The following NIT2 variants were observed in gnomAD, a reference collection of about 807,000 sequenced individuals.
NIT2 encodes the protein omega-amidase NIT2.
NIT2 carries 46 observed loss-of-function variants against 42.7 expected under a neutral mutation model. The observed-to-expected ratio is 1.08, with a 90% CI of 0.85 to 1.38. The LOEUF is 1.38. Ranked by LOEUF, NIT2 falls within the 40% of genes most tolerant of loss-of-function variation. The pLI is 0.00. For synonymous variants in NIT2, 123 were observed against 121.9 expected (o/e 1.01, Z -0.06); for missense variants, 309 against 342.5 (o/e 0.90, Z 0.77).
rs1413870208 is a variant in NIT2 at position 100,355,520 on chromosome 3, T to C, written c.*252T>C. On this transcript the variant is annotated 3_prime_UTR_variant, in exon 10 of 10. Transcript: ENST00000394140. ...AAGCTTCTTCCATACTTAAGTTGCC[T>C]CCAAGCAGTTTGTGAAAGTATCAGA... is the stretch of plus-strand genomic sequence containing the variant. The C allele has an allele frequency of 2.6e-6, 1 of 388,890 alleles. No individual in the cohort carries two copies. The highest frequency in any genetic ancestry group is 4.6e-6 in the Non-Finnish European group (1 of 218,854). 24.1% of individuals were successfully genotyped at this position (388,890 alleles called of 1,614,324 possible).
rs557763731 is a variant in NIT2, at chr3:100,339,294, G to C, written c.126+89G>C. The C allele has an allele frequency of 3.6e-6, 3 of 845,052 alleles. No homozygotes were observed. In the East Asian group the frequency reaches 7.3e-5, roughly 21 times the overall value. The allele number at this position is 845,052 out of a possible 1,614,324, so 52.3% of individuals were successfully genotyped here. A position where few individuals can be genotyped will look rare whatever the true frequency, so the allele number is the denominator to read the frequency against. On this transcript the variant is annotated intron_variant, in intron 2 of 9. Coordinates refer to ENST00000394140, the MANE Select transcript of NIT2 (RefSeq NM_020202.5). ...GCTCTGGTTGTCCTCTTGTATCCTGGGGTCCAGCAGTGTCCCTTGGAGCCC... is the reference window on the plus strand; with the variant it reads ...GCTCTGGTTGTCCTCTTGTATCCTGCGGTCCAGCAGTGTCCCTTGGAGCCC...
At chr3:100,335,724 G>GC (rs1244232999) in intron 1 of NIT2, among the ~76,000 whole-genome samples, 1 of 152,228 alleles carries the variant, frequency 6.6e-6, no homozygotes, top group Non-Finnish European at 1.5e-5. Context: ...CACAGACATG[G>GC]CCCGGCACGT....
At chr3:100,350,287 A>G (rs1706260271) in intron 7 of NIT2, among the ~76,000 whole-genome samples, 1 of 152,308 alleles carries the variant, frequency 6.6e-6, no homozygotes, top group South Asian at 2.1e-4. Flanking sequence ...TGGGATACTG[A>G]GATGACCCAG....
chr3:100,346,132 T>C, intron 5 of NIT2, 49 bp from the exon 6 acceptor site: 1 of 1,462,252 alleles, frequency 6.8e-7, no homozygotes, highest in Non-Finnish European at 9.6e-7. Context: ...TGCCACACCA[T>C]GCTGTAGGGA....
Position 100,352,422 on chromosome 3 carries a change from G to A in NIT2, c.603G>A (p.Val201=), listed in dbSNP as rs1452704798. Residue 201 remains valine (V), a synonymous_variant, in exon 8 of 10, where the codon GTG becomes GTA. Coordinates refer to ENST00000394140, the MANE Select transcript of NIT2 (RefSeq NM_020202.5). The stretch of plus-strand genomic sequence containing the variant: ...ACTACAGGGCTGTTGATAATCAGGT[G>A]TATGTGGCCACAGCCTCTCCTGCCC... The part of the protein sequence containing the change: ...LQRSRAVDNQ[V]YVATASPARD... 6.2e-7 allele frequency: 1 copy of A among 1,613,132 alleles called. No homozygotes were observed. The highest frequency in any genetic ancestry group is 1.1e-5 in the South Asian group (1 of 91,068).
chr3:100,354,541 C>G (rs1706305744), intron 8 of NIT2, among the ~76,000 whole-genome samples: 1 of 152,178 alleles, frequency 6.6e-6, no homozygotes, highest in South Asian at 2.1e-4. Flanking sequence ...ATCACTAAGC[C>G]CTCACAGAGC....
rs1706269529 is a variant in NIT2, at chr3:100,351,283, G to A, written c.585-1121G>A. ...CTAAAGTTCATATGGAACCAAAAAAGAGCCCGCATCGCCAAGTCAATCCTA... is the reference window on the plus strand; with the variant it reads ...CTAAAGTTCATATGGAACCAAAAAAAAGCCCGCATCGCCAAGTCAATCCTA... On this transcript the variant is annotated intron_variant, in intron 7 of 9. Coordinates refer to ENST00000394140, the MANE Select transcript of NIT2 (RefSeq NM_020202.5). Among the ~76,000 whole-genome samples, 6 of 152,168 alleles carry A rather than the reference G, an allele frequency of 3.9e-5. No homozygotes were observed. The South Asian group carries it at 1.0e-3, about 26-fold the overall frequency.
At chr3:100,349,954 A>G (rs537572131) in intron 7 of NIT2, 1 of 152,344 alleles carries the variant, frequency 6.6e-6, no homozygotes, top group East Asian at 1.9e-4. Context: ...TTTTCTTTAG[A>G]ATTTTTAAAA....
At chr3:100,342,034 G>C (rs1706161663) in intron 4 of NIT2, among the ~76,000 whole-genome samples, 1 of 151,732 alleles carries the variant, frequency 6.6e-6, no homozygotes, top group Non-Finnish European at 1.5e-5. Flanking sequence ...GACAGAGCAA[G>C]ACTCCATCTC....
At chr3:100,334,887 C>A (rs1489605570) in intron 1 of NIT2, 89 bp downstream of exon 1, 1 of 1,161,618 alleles carries the variant, frequency 8.6e-7, no homozygotes, top group Non-Finnish European at 1.1e-6. Context: ...CCGGCTCAGC[C>A]CCTCCGCCCC....
chr3:100,340,972 GTTCT>G (rs936088321), intron 3 of NIT2, 97 bp from the exon 4 acceptor site: 31 of 727,738 alleles, frequency 4.3e-5, no homozygotes, highest in African/African-American at 2.3e-4. Context: ...TAAAAGATAG[GTTCT>G]TTATTTTTGG....
chr3:100,355,140 G>C (rs1438719784), intron 9 of NIT2, 37 bp from the exon 10 acceptor site: 9 of 1,513,892 alleles, frequency 5.9e-6, no homozygotes, highest in Non-Finnish European at 8.3e-6. Flanking sequence ...GTGAGGAGTT[G>C]CAAATTATTA....
intron 1 of NIT2, among the ~76,000 whole-genome samples, chr3:100,335,530 C>G (rs917537355): frequency 1.3e-5 from 2 of 152,238 alleles, no homozygotes; most frequent in African/African-American, 4.8e-5. Flanking sequence ...GCGTCTCCTC[C>G]TCAGCATGAG....
rs1706372127 is a variant in NIT2, at chr3:100,360,728, A to C, written c.*5460A>C. 6.6e-6 allele frequency: 1 copy of C among 152,234 alleles called. No individual in the cohort carries two copies. The allele number at this position is 152,234 out of a possible 1,614,324, so 9.4% of individuals were successfully genotyped here. On this transcript the variant is annotated 3_prime_UTR_variant, in exon 10 of 10. Transcript: ENST00000394140. ...GAGATGCATAAAAGAACACATAGAG[A>C]TGGGGAGTCAGTTCTCCATACATTT...
At position 100,357,467 on chromosome 3, in the gene NIT2, TTC is replaced by T. The variant is rs1425034627; in HGVS notation, c.*2203_*2204del. ...GAACCTAGGAACCTTCTCTTGGATT[TTC>T]TCTTATTCCCCAAAAAACTTCATTT... On this transcript the variant is annotated 3_prime_UTR_variant, in exon 10 of 10. Coordinates refer to ENST00000394140, the MANE Select transcript of NIT2 (RefSeq NM_020202.5). 6.6e-6 allele frequency: 1 copy of T among 152,076 alleles called. No individual in the cohort carries two copies. Among genetic ancestry groups the T allele is most frequent in the Non-Finnish European group, 1.5e-5 (1 of 68,020 alleles). 9.4% of individuals were successfully genotyped at this position (152,076 alleles called of 1,614,324 possible). A position where few individuals can be genotyped will look rare whatever the true frequency, so the allele number is the denominator to read the frequency against.
Position 100,355,466 on chromosome 3 carries a change from C to T in NIT2, c.*198C>T. 1 of 491,094 alleles carries T rather than the reference C, an allele frequency of 2.0e-6. No individual in the cohort carries two copies. The allele number at this position is 491,094 out of a possible 1,614,324, so 30.4% of individuals were successfully genotyped here. A position where few individuals can be genotyped will look rare whatever the true frequency, so the allele number is the denominator to read the frequency against. On this transcript the variant is annotated 3_prime_UTR_variant, in exon 10 of 10. Coordinates refer to ENST00000394140, the MANE Select transcript of NIT2 (RefSeq NM_020202.5). ...TAGTTAAAAAGGATGCAGCCTGGAGCCAGAGAGCAGAAAGCTGGGCTGGTT... is the reference window on the plus strand; with the variant it reads ...TAGTTAAAAAGGATGCAGCCTGGAGTCAGAGAGCAGAAAGCTGGGCTGGTT...
chr3:100,335,901 A>G (rs1009094965), intron 1 of NIT2, among the ~76,000 whole-genome samples: 5 of 152,186 alleles, frequency 3.3e-5, no homozygotes, highest in African/African-American at 9.7e-5. Flanking sequence ...GTCCCAAACT[A>G]CTTGGGAAGC....
At position 100,348,862 on chromosome 3, in the gene NIT2, G is replaced by GA. The variant is rs981716084; in HGVS notation, c.566dup (p.Leu190ValfsTer9). On this transcript the variant is annotated frameshift_variant, in exon 7 of 10. Coordinates refer to ENST00000394140, the MANE Select transcript of NIT2 (RefSeq NM_020202.5). LOFTEE classifies it high-confidence loss of function. ...TCTGACCACTGGACCAGCCCATTGG[G>GA]AGTTACTTCAGCGAAGCCGGTAAGA... 3 of 1,613,964 alleles carry GA rather than the reference G, an allele frequency of 1.9e-6. No homozygotes were observed. In the Admixed American group the frequency reaches 5.0e-5, roughly 27 times the overall value.
At chr3:100,353,641 AGTCT>A (rs987588041) in intron 8 of NIT2, among the ~76,000 whole-genome samples, 43 of 152,332 alleles carry the variant, frequency 2.8e-4, no homozygotes, top group African/African-American at 9.6e-4. Flanking sequence ...TTGTGCCAAA[AGTCT>A]GTCTGTGGCT....
Sources: gnomAD v4.1 joint callset for allele counts (sites outside exome capture counted in the v4.1 genomes callset) on GRCh38, gnomAD v4.1.1 for gene constraint, MANE v1.5 for transcripts, NCBI Gene and HGNC (gene_info 2026-07-23, HGNC 2026-07-21) for gene names.